Variants in UQCC1 observed in about 807,000 individuals in gnomAD.
The protein encoded by UQCC1 is ubiquinol-cytochrome c reductase complex assembly factor 1.
In UQCC1, 38 loss-of-function variants were observed where a neutral mutation model predicts 48.0. The ratio of observed to expected loss-of-function variants is 0.79; its 90% CI spans 0.61 to 1.04. The LOEUF (loss-of-function observed/expected upper bound fraction) is 1.04, where lower values mean the gene tolerates loss of function less well. Among genes scored for constraint, UQCC1 ranks in the 50% least tolerant of loss-of-function variants. The pLI, the probability that UQCC1 is intolerant of heterozygous loss-of-function variation, is 0.00. For synonymous variants in UQCC1, 111 were observed against 129.2 expected (o/e 0.86, Z 0.95); for missense variants, 368 against 381.8 (o/e 0.96, Z 0.30).
intron 4 of UQCC1, among the ~76,000 whole-genome samples, chr20:35,380,750 T>C (rs1238367862): frequency 1.3e-5 from 2 of 152,226 alleles, no homozygotes; most frequent in East Asian, 1.9e-4. Flanking sequence ...AAGGCACTTC[T>C]GCCATAGTGA....
rs905611902 is a variant in UQCC1, at chr20:35,404,028, G to T, written c.24+7912C>A. The stretch of plus-strand genomic sequence containing the variant: ...CGAGGAGGGCGGATCACAAGGTCAG[G>T]AGATCGAGACCATCCTGGCTAACAT... On this transcript the variant is annotated intron_variant, in intron 1 of 9. Coordinates refer to ENST00000374385, the MANE Select transcript of UQCC1 (RefSeq NM_018244.5). 3.3e-5 allele frequency among the ~76,000 whole-genome samples: 5 copies of T among 152,180 alleles called. No homozygotes were observed. The East Asian group carries it at 9.7e-4, about 29-fold the overall frequency.
intron 7 of UQCC1, among the ~76,000 whole-genome samples, chr20:35,319,660 G>A (rs1568653670): frequency 6.6e-6 from 1 of 152,160 alleles, no homozygotes; most frequent in Non-Finnish European, 1.5e-5. Flanking sequence ...CAAAAAAAAG[G>A]AAGGGATGCA....
intron 1 of UQCC1, among the ~76,000 whole-genome samples, chr20:35,402,580 AAAACAAACAAAC>A (rs201662360): frequency 0.028 from 3,966 of 142,062 alleles, 200 homozygotes; most frequent in African/African-American, 0.096. Context: ...TCCATCTCAA[AAAACAAACAAAC>A]AAACAAACAA....
At chr20:35,339,229 C>G (rs1458839215) in intron 7 of UQCC1, among the ~76,000 whole-genome samples, 1 of 152,098 alleles carries the variant, frequency 6.6e-6, no homozygotes, top group Non-Finnish European at 1.5e-5. Context: ...TCATCCAACA[C>G]ATATTTGAGT....
At chr20:35,385,290 A>G (rs967588551) in intron 2 of UQCC1, among the ~76,000 whole-genome samples, 2 of 152,186 alleles carry the variant, frequency 1.3e-5, no homozygotes, top group Non-Finnish European at 2.9e-5. Flanking sequence ...CATCACCAGC[A>G]TTATTGTTTG....
intron 7 of UQCC1, among the ~76,000 whole-genome samples, chr20:35,322,678 A>C (rs2061144443): frequency 6.6e-6 from 1 of 151,980 alleles, no homozygotes; most frequent in South Asian, 2.1e-4. Flanking sequence ...AGTTGCAGTG[A>C]GCCAAGATTG....
chr20:35,403,672 C>A (rs1002333995), intron 1 of UQCC1, among the ~76,000 whole-genome samples: 5 of 152,140 alleles, frequency 3.3e-5, no homozygotes, highest in Non-Finnish European at 5.9e-5. Context: ...AAATGCCCAA[C>A]AATGATAGAC....
chr20:35,310,896 C>G (rs1291219757), intron 8 of UQCC1, among the ~76,000 whole-genome samples: 1 of 141,936 alleles, frequency 7.0e-6, no homozygotes, highest in Non-Finnish European at 1.5e-5. Context: ...GACGGGGTTT[C>G]ACCATGTTGG....
intron 6 of UQCC1, among the ~76,000 whole-genome samples, chr20:35,350,245 G>C (rs527360002): frequency 6.6e-6 from 1 of 151,866 alleles, no homozygotes; most frequent in South Asian, 2.1e-4. Flanking sequence ...CTTCCACCTC[G>C]GCCTCCCAAA....
chr20:35,410,776 A>AAAAAAAAC (rs1471043404), intron 1 of UQCC1, among the ~76,000 whole-genome samples: 3 of 145,808 alleles, frequency 2.1e-5, no homozygotes, highest in African/African-American at 7.5e-5. Context: ...AAAAAAAAAA[A>AAAAAAAAC]ACCACTAAAT....
At chr20:35,342,573 A>C (rs1359012743) in intron 7 of UQCC1, among the ~76,000 whole-genome samples, 3 of 152,308 alleles carry the variant, frequency 2.0e-5, no homozygotes, top group Non-Finnish European at 4.4e-5. Flanking sequence ...CTGAGGCCAA[A>C]GGCGCTGTCT....
At chr20:35,395,508 A>T (rs1036126633) in intron 1 of UQCC1, among the ~76,000 whole-genome samples, 1 of 144,882 alleles carries the variant, frequency 6.9e-6, no homozygotes, top group Non-Finnish European at 1.5e-5. Flanking sequence ...TATTATAAAT[A>T]AATAAAAAAA....
chr20:35,335,473 A>G (rs2061305583), intron 7 of UQCC1, among the ~76,000 whole-genome samples: 1 of 152,240 alleles, frequency 6.6e-6, no homozygotes, highest in African/African-American at 2.4e-5. Flanking sequence ...ATAAATAAAA[A>G]GAAGAAAAAA....
At position 35,384,966 on chromosome 20, in the gene UQCC1, C is replaced by CAAAAAAAAA. The variant is rs57141083; in HGVS notation, c.130-842_130-834dup. On this transcript the variant is annotated intron_variant, in intron 2 of 9. Transcript: ENST00000374385. ...TGGGCAACACAGCAAGAATCGGTCT[C>CAAAAAAAAA]AAAAAAAAAAAAAAAAAAAAAAAAA... Among the ~76,000 whole-genome samples, 29 of 69,748 alleles carry CAAAAAAAAA rather than the reference C, an allele frequency of 4.2e-4. 1 individual carries two copies. Among genetic ancestry groups the CAAAAAAAAA allele is most frequent in the African/African-American group, 1.8e-3 (28 of 15,948 alleles). The allele number at this position is 69,748 out of a possible 152,430, so 45.8% of individuals were successfully genotyped here.
chr20:35,319,356 C>T (rs2061097171), intron 7 of UQCC1, among the ~76,000 whole-genome samples: 1 of 152,170 alleles, frequency 6.6e-6, no homozygotes, highest in Non-Finnish European at 1.5e-5. Context: ...CAATAGGAGG[C>T]TTGGCTAAAT....
In UQCC1 at chr20:35,302,913, T is replaced by C. The variant is rs566884685; in HGVS notation, c.*1022A>G. On this transcript the variant is annotated 3_prime_UTR_variant, in exon 10 of 10. Transcript: ENST00000374385. Reference sequence around the variant, plus strand: ...AGTTTGATGGGGGAGGGAGGGGCAATATGGTTCCCCACCCCCTTTCTTCAC... The same window carrying C: ...AGTTTGATGGGGGAGGGAGGGGCAACATGGTTCCCCACCCCCTTTCTTCAC... 3 of 152,258 alleles carry C rather than the reference T, an allele frequency of 2.0e-5. No individual in the cohort carries two copies. The allele number at this position is 152,258 out of a possible 1,614,324, so 9.4% of individuals were successfully genotyped here.
chr20:35,328,601 G>C (rs1600882206), intron 7 of UQCC1, among the ~76,000 whole-genome samples: 1 of 135,718 alleles, frequency 7.4e-6, no homozygotes, highest in East Asian at 1.9e-4. Flanking sequence ...CAGGATTTGA[G>C]TCCAAACTGG....
chr20:35,387,660 C>A (rs2061961754), intron 2 of UQCC1, among the ~76,000 whole-genome samples: 2 of 152,056 alleles, frequency 1.3e-5, no homozygotes, highest in South Asian at 4.1e-4. Context: ...AACTGAAGAA[C>A]TAAAGAGTAA....
chr20:35,409,472 G>GGAA (rs397958568), intron 1 of UQCC1: 6 of 126,208 alleles, frequency 4.8e-5, no homozygotes, highest in East Asian at 2.9e-4. Context: ...CTCCGTCTCA[G>GGAA]AAAAAAAAAA....
Sources: gnomAD v4.1 joint callset for allele counts (sites outside exome capture counted in the v4.1 genomes callset) on GRCh38, gnomAD v4.1.1 for gene constraint, MANE v1.5 for transcripts, NCBI Gene and HGNC (gene_info 2026-07-23, HGNC 2026-07-21) for gene names.